KCNH8: variants seen among roughly 807,000 people sequenced by gnomAD.
KCNH8 encodes the protein voltage-gated delayed rectifier potassium channel KCNH8.
In KCNH8, 70 loss-of-function variants were observed where a neutral mutation model predicts 103.6. The observed-to-expected ratio is 0.68, with a 90% CI of 0.56 to 0.82. The LOEUF (loss-of-function observed/expected upper bound fraction) is 0.82. Ranked by LOEUF, KCNH8 falls within the 40% of genes least tolerant of loss-of-function variation. The pLI, the probability that KCNH8 is intolerant of heterozygous loss-of-function variation, is 0.00. For missense variants in KCNH8, 1,217 were observed against 1,329.9 expected (o/e 0.92, Z 1.32); for synonymous variants, 498 against 489.4 (o/e 1.02, Z -0.23).
At chr3:19,331,249 T>A (rs978645160) in intron 3 of KCNH8, among the ~76,000 whole-genome samples, 1 of 144,576 alleles carries the variant, frequency 6.9e-6, no homozygotes, top group Non-Finnish European at 1.5e-5. Context: ...CTTTAATTAT[T>A]TTTATTTATT....
chr3:19,476,975 GTT>G (rs1164181673), intron 11 of KCNH8, among the ~76,000 whole-genome samples: 1 of 152,064 alleles, frequency 6.6e-6, no homozygotes, highest in East Asian at 1.9e-4. Context: ...CCCATGAACA[GTT>G]TTACTTTATT....
intron 3 of KCNH8, among the ~76,000 whole-genome samples, chr3:19,334,170 C>T (rs546295707): frequency 6.6e-6 from 1 of 152,300 alleles, no homozygotes; most frequent in South Asian, 2.1e-4. Context: ...TCACTCACTT[C>T]ACCTGAGGGA....
chr3:19,250,518 T>C (rs139555065), intron 1 of KCNH8, among the ~76,000 whole-genome samples: 1 of 152,342 alleles, frequency 6.6e-6, no homozygotes, highest in East Asian at 1.9e-4. Flanking sequence ...ATTGTATCTA[T>C]ATAGTTTAAG....
intron 1 of KCNH8, among the ~76,000 whole-genome samples, chr3:19,187,946 T>C (rs1276086875): frequency 6.6e-6 from 1 of 152,084 alleles, no homozygotes; most frequent in African/African-American, 2.4e-5. Flanking sequence ...TATTACTGTG[T>C]TTTGTAACCA....
At chr3:19,188,977 C>T (rs1263450197) in intron 1 of KCNH8, among the ~76,000 whole-genome samples, 1 of 151,862 alleles carries the variant, frequency 6.6e-6, no homozygotes, top group South Asian at 2.1e-4. Context: ...ACACAAACTA[C>T]GGGTAGTTTT....
At chr3:19,282,466 G>T (rs2064770366) in intron 3 of KCNH8, among the ~76,000 whole-genome samples, 1 of 152,098 alleles carries the variant, frequency 6.6e-6, no homozygotes, top group African/African-American at 2.4e-5. Context: ...AACACAAAAG[G>T]TAAGGATCCT....
chr3:19,195,582 C>T (rs2063592905), intron 1 of KCNH8, among the ~76,000 whole-genome samples: 1 of 151,862 alleles, frequency 6.6e-6, no homozygotes, highest in Admixed American at 6.6e-5. Flanking sequence ...TATATTTTGG[C>T]AGAATTTGGC....
rs182303079 is a variant in KCNH8 at position 19,305,379 on chromosome 3, T to A, written c.442+24050T>A. ...GATGTGGTGCATCAAAAGGAGGCAATAAGCTAAGAAAATGTAAACATGAGA... is the reference window on the plus strand; with the variant it reads ...GATGTGGTGCATCAAAAGGAGGCAAAAAGCTAAGAAAATGTAAACATGAGA... On this transcript the variant is annotated intron_variant, in intron 3 of 15. Transcript: ENST00000328405. 9.9e-5 allele frequency among the ~76,000 whole-genome samples: 15 copies of A among 152,186 alleles called. 1 individual carries two copies. In the East Asian group the frequency reaches 2.7e-3, roughly 27 times the overall value.
At chr3:19,495,451 T>C (rs1300737585) in intron 11 of KCNH8, among the ~76,000 whole-genome samples, 1 of 152,146 alleles carries the variant, frequency 6.6e-6, no homozygotes, top group Non-Finnish European at 1.5e-5. Flanking sequence ...ACACCACTTA[T>C]TGAGGAGGGA....
chr3:19,522,099 A>G (rs1377606655), intron 15 of KCNH8, among the ~76,000 whole-genome samples: 2 of 151,938 alleles, frequency 1.3e-5, no homozygotes, highest in Admixed American at 1.3e-4. Context: ...GTCAGAGTTA[A>G]TATTAGGTGA....
chr3:19,347,595 A>G (rs2065745267), intron 4 of KCNH8, 130 bp from the exon 5 acceptor site: 1 of 1,111,208 alleles, frequency 9.0e-7, no homozygotes, highest in Non-Finnish European at 1.3e-6. Context: ...ACCAACTTTT[A>G]AAAGTCACTT....
chr3:19,211,312 T>C (rs2063768858), intron 1 of KCNH8, among the ~76,000 whole-genome samples: 1 of 152,134 alleles, frequency 6.6e-6, no homozygotes, highest in Non-Finnish European at 1.5e-5. Context: ...ACACCAAGTA[T>C]TTTGATTTAA....
intron 15 of KCNH8, among the ~76,000 whole-genome samples, chr3:19,529,337 A>G (rs1248097283): frequency 6.6e-6 from 1 of 152,080 alleles, no homozygotes; most frequent in Non-Finnish European, 1.5e-5. Context: ...TTGAAGATGT[A>G]TCTTCTTTTT....
chr3:19,438,172 C>A lies in KCNH8; in HGVS notation c.1186C>A (p.His396Asn). The change falls in exon 8 of 16, where the codon CAT (histidine) becomes AAT (asparagine). Residue 396 changes from histidine (H) to asparagine (N), a missense_variant. By Grantham distance (68) the His-to-Asn change is moderately conservative. This residue lies in a region of KCNH8 where 415 missense variants were observed against 577.4 expected (regional missense o/e 0.72). Coordinates refer to ENST00000328405, the MANE Select transcript of KCNH8 (RefSeq NM_144633.3). ...SLLKWEVGWL[H>N]ELGKRLESPY... ...TATTTCCTCCTTTGCAGGTTGGCTTCATGAGTTGGGAAAGAGACTGGAATC... is the reference window on the plus strand; with the variant it reads ...TATTTCCTCCTTTGCAGGTTGGCTTAATGAGTTGGGAAAGAGACTGGAATC... 6.2e-7 allele frequency: 1 copy of A among 1,613,978 alleles called. No homozygotes were observed. The highest frequency in any genetic ancestry group is 8.5e-7 in the Non-Finnish European group (1 of 1,179,920).
At chr3:19,241,399 T>G (rs2064139220) in intron 1 of KCNH8, among the ~76,000 whole-genome samples, 1 of 152,044 alleles carries the variant, frequency 6.6e-6, no homozygotes, top group South Asian at 2.1e-4. Flanking sequence ...GATCATACAG[T>G]TTTTTATTGA....
At chr3:19,419,189 G>GT (rs1559318795) in intron 7 of KCNH8, among the ~76,000 whole-genome samples, 118 of 129,636 alleles carry the variant, frequency 9.1e-4, no homozygotes, top group African/African-American at 3.1e-3. Flanking sequence ...AATTAAAATG[G>GT]TTTTGGTTTT....
intron 5 of KCNH8, among the ~76,000 whole-genome samples, chr3:19,369,204 AAG>A (rs1346994821): frequency 2.0e-5 from 3 of 152,006 alleles, no homozygotes; most frequent in African/African-American, 4.8e-5. Flanking sequence ...AAGGATACAG[AAG>A]AGTGTTCAGT....
rs1306450242 is a variant in KCNH8 at position 19,185,383 on chromosome 3, A to G, written c.76+36588A>G. ...TTCTTCTAAAGATGAATGATGTTGAACACTTTTCATGTTCTTATTAGCTAT... is the reference window on the plus strand; with the variant it reads ...TTCTTCTAAAGATGAATGATGTTGAGCACTTTTCATGTTCTTATTAGCTAT... On this transcript the variant is annotated intron_variant, in intron 1 of 15. Transcript: ENST00000328405. Among the ~76,000 whole-genome samples, 5 of 151,958 alleles carry G rather than the reference A, an allele frequency of 3.3e-5. No homozygotes were observed. The South Asian group carries it at 1.0e-3, about 32-fold the overall frequency.
In KCNH8 at chr3:19,170,812, T is replaced by TA. The variant is rs1559407203; in HGVS notation, c.76+22017_76+22018insA. On this transcript the variant is annotated intron_variant, in intron 1 of 15. Transcript: ENST00000328405. The stretch of plus-strand genomic sequence containing the variant: ...CACATATATATATATATATATATAT[T>TA]TTTTTTTTTTTTTTTGAGACGAAGT... Among the ~76,000 whole-genome samples the TA allele has an allele frequency of 4.7e-3, 479 of 101,400 alleles. 15 individuals are homozygous for TA. Among genetic ancestry groups the TA allele is most frequent in the African/African-American group, 9.7e-3 (262 of 27,018 alleles). The allele number at this position is 101,400 out of a possible 152,430, so 66.5% of individuals were successfully genotyped here.
Sources: allele counts gnomAD v4.1 joint callset (sites outside exome capture counted in the v4.1 genomes callset), GRCh38; gene constraint gnomAD v4.1.1; regional missense constraint gnomAD v4.1.1; transcripts MANE v1.5; gene names NCBI Gene and HGNC (gene_info 2026-07-23, HGNC 2026-07-21).